Variants in THSD4 observed in about 807,000 individuals in gnomAD.
THSD4 encodes thrombospondin type-1 domain-containing protein 4.
A neutral mutation model predicts 119.0 loss-of-function variants in THSD4; 69 were observed. That is an observed-to-expected ratio of 0.58 (90% CI 0.48 to 0.71). The LOEUF (loss-of-function observed/expected upper bound fraction) is 0.71. Among genes scored for constraint, THSD4 ranks in the 30% least tolerant of loss-of-function variants. The probability of loss-of-function intolerance (pLI) is 0.00; values close to 1 mark genes in which losing one functional copy is unlikely to be tolerated. For synonymous variants in THSD4, 524 were observed against 540.4 expected (o/e 0.97, Z 0.42); for missense variants, 1,393 against 1,391.1 (o/e 1.00, Z -0.02).
chr15:71,430,534 C>A (rs1385690849), intron 7 of THSD4, among the ~76,000 whole-genome samples: 1 of 151,998 alleles, frequency 6.6e-6, no homozygotes, highest in Non-Finnish European at 1.5e-5. Context: ...AATAACTACA[C>A]AAATTGAGTG....
At chr15:71,211,726 A>C (rs73433428) in intron 3 of THSD4, among the ~76,000 whole-genome samples, 2,086 of 152,268 alleles carry the variant, frequency 0.014, 59 homozygotes, top group African/African-American at 0.048. Flanking sequence ...TTGATTTGTT[A>C]GAATTATTTA....
At chr15:71,565,610 G>A (rs1307198753) in intron 7 of THSD4, among the ~76,000 whole-genome samples, 1 of 151,950 alleles carries the variant, frequency 6.6e-6, no homozygotes, top group Non-Finnish European at 1.5e-5. Flanking sequence ...TTAGCAGGCT[G>A]GAAGGATGTG....
chr15:71,655,819 T>A (rs1379895941), intron 7 of THSD4, among the ~76,000 whole-genome samples: 4 of 152,212 alleles, frequency 2.6e-5, no homozygotes, highest in Non-Finnish European at 4.4e-5. Context: ...AGCGACCAAT[T>A]GATCAGCCTC....
At chr15:71,296,868 T>C (rs1428578522) in intron 6 of THSD4, among the ~76,000 whole-genome samples, 3 of 152,216 alleles carry the variant, frequency 2.0e-5, no homozygotes, top group Admixed American at 1.3e-4. Flanking sequence ...GCTCCGAGCC[T>C]CTGTTTTCTC....
intron 3 of THSD4, among the ~76,000 whole-genome samples, chr15:71,165,798 C>CAGCA (rs2043289656): frequency 6.6e-6 from 1 of 151,962 alleles, no homozygotes; most frequent in Non-Finnish European, 1.5e-5. Context: ...GTGTGGTGGG[C>CAGCA]CAGCAGGCTG....
chr15:71,168,561 GTTAT>G (rs911591248), intron 3 of THSD4, among the ~76,000 whole-genome samples: 1 of 152,122 alleles, frequency 6.6e-6, no homozygotes, highest in Non-Finnish European at 1.5e-5. Context: ...TTTTTAACCT[GTTAT>G]TTATAGAAAC....
At chr15:71,454,039 T>C (rs1338978044) in intron 7 of THSD4, among the ~76,000 whole-genome samples, 1 of 152,170 alleles carries the variant, frequency 6.6e-6, no homozygotes, top group African/African-American at 2.4e-5. Context: ...GATGGATCAC[T>C]TGAGGTCAGG....
intron 6 of THSD4, among the ~76,000 whole-genome samples, chr15:71,409,157 C>CT (rs2140498225): frequency 8.9e-6 from 1 of 112,140 alleles, no homozygotes; most frequent in South Asian, 2.7e-4. Context: ...TTTTTTTTTC[C>CT]CCCCCCCTCA....
intron 6 of THSD4, among the ~76,000 whole-genome samples, chr15:71,397,075 A>G (rs908332793): frequency 6.6e-6 from 1 of 152,180 alleles, no homozygotes; most frequent in Non-Finnish European, 1.5e-5. Flanking sequence ...TGTGAGAACA[A>G]TGGTCTTGCA....
At chr15:71,771,353 TA>T in intron 17 of THSD4, 145 bp downstream of exon 17, 1 of 1,105,790 alleles carries the variant, frequency 9.0e-7, no homozygotes, top group Non-Finnish European at 1.3e-6. Context: ...GTGCTTTTGG[TA>T]TTATAAATTT....
At chr15:71,330,039 C>A (rs2045401290) in intron 6 of THSD4, among the ~76,000 whole-genome samples, 2 of 151,256 alleles carry the variant, frequency 1.3e-5, no homozygotes, top group South Asian at 4.2e-4. Context: ...GTGATAGCAC[C>A]ATTGCACAAT....
chr15:71,495,285 C>T (rs1168002069), intron 7 of THSD4, among the ~76,000 whole-genome samples: 1 of 152,048 alleles, frequency 6.6e-6, no homozygotes, highest in Non-Finnish European at 1.5e-5. Flanking sequence ...CCAACCCTGC[C>T]CTCAAATGTA....
intron 1 of THSD4, among the ~76,000 whole-genome samples, chr15:71,135,940 G>A (rs1370452046): frequency 1.3e-5 from 2 of 151,006 alleles, no homozygotes; most frequent in African/African-American, 4.9e-5. Flanking sequence ...TCCAGTATGG[G>A]GTTTGTTCAT....
chr15:71,699,604 T>G (rs2052243293), intron 8 of THSD4, among the ~76,000 whole-genome samples: 1 of 152,192 alleles, frequency 6.6e-6, no homozygotes, highest in South Asian at 2.1e-4. Context: ...CATACAGCTT[T>G]CTATACCATA....
At chr15:71,425,712 T>C (rs2046858171) in intron 7 of THSD4, among the ~76,000 whole-genome samples, 1 of 152,204 alleles carries the variant, frequency 6.6e-6, no homozygotes, top group African/African-American at 2.4e-5. Context: ...TGAATGGGTG[T>C]TTGAAATAAA....
At chr15:71,413,756 G>T (rs868219276) in intron 7 of THSD4, among the ~76,000 whole-genome samples, 5 of 152,330 alleles carry the variant, frequency 3.3e-5, no homozygotes, top group South Asian at 2.1e-4. Flanking sequence ...GAAGAGGCAG[G>T]AAACATCATG....
intron 6 of THSD4, among the ~76,000 whole-genome samples, chr15:71,318,187 T>G (rs1190995619): frequency 1.1e-4 from 16 of 152,110 alleles, no homozygotes; most frequent in Non-Finnish European, 1.9e-4. Flanking sequence ...CCAGGAGGCA[T>G]GCCATGAGCC....
chr15:71,473,274 T>C (rs1341882245), intron 7 of THSD4, among the ~76,000 whole-genome samples: 1 of 152,098 alleles, frequency 6.6e-6, no homozygotes, highest in Non-Finnish European at 1.5e-5. Context: ...CCCAGCCTGG[T>C]CTCCAACTCC....
At chr15:71,322,549 A>C (rs965901155) in intron 6 of THSD4, among the ~76,000 whole-genome samples, 6 of 152,204 alleles carry the variant, frequency 3.9e-5, no homozygotes, top group East Asian at 1.9e-4. Flanking sequence ...AACAGCAATA[A>C]ATATTTATTA....
Sources: gnomAD v4.1 joint callset for allele counts (sites outside exome capture counted in the v4.1 genomes callset) on GRCh38, gnomAD v4.1.1 for gene constraint, MANE v1.5 for transcripts, NCBI Gene and HGNC (gene_info 2026-07-23, HGNC 2026-07-21) for gene names.